PITPNM2: variants seen among roughly 807,000 people sequenced by gnomAD.
The protein encoded by PITPNM2 is membrane-associated phosphatidylinositol transfer protein 2.
PITPNM2 carries 35 observed loss-of-function variants against 132.2 expected under a neutral mutation model. The ratio of observed to expected loss-of-function variants is 0.26; its 90% CI spans 0.20 to 0.35. The LOEUF (loss-of-function observed/expected upper bound fraction) is 0.35. Ranked by LOEUF, PITPNM2 falls within the 10% of genes least tolerant of loss-of-function variation. The pLI, the probability that PITPNM2 is intolerant of heterozygous loss-of-function variation, is 1.00. For missense variants in PITPNM2, 1,332 were observed against 1,912.0 expected (o/e 0.70, Z 5.66); for synonymous variants, 738 against 799.2 (o/e 0.92, Z 1.29).
rs1309699712 is a variant in PITPNM2, at chr12:123,029,821, ATGTGTC to A, written c.78+4686_78+4691del. ...ACATATGTTGTGTGTGGACACACATATGTGTCTGTGTGTGTGTGTGTGTGTGTGTGT... is the reference window on the plus strand; with the variant it reads ...ACATATGTTGTGTGTGGACACACATATGTGTGTGTGTGTGTGTGTGTGTGT... On this transcript the variant is annotated intron_variant, in intron 3 of 25. Transcript: ENST00000320201. Among the ~76,000 whole-genome samples the A allele has an allele frequency of 2.2e-3, 271 of 124,478 alleles. 1 individual carries two copies. The highest frequency in any genetic ancestry group is 0.01 in the African/African-American group (233 of 22,730). The allele number at this position is 124,478 out of a possible 152,430, so 81.7% of individuals were successfully genotyped here.
chr12:123,131,386 G>A (rs932739036), intron 1 of PITPNM2, among the ~76,000 whole-genome samples: 6 of 152,184 alleles, frequency 3.9e-5, no homozygotes, highest in Non-Finnish European at 7.4e-5. Flanking sequence ...GAGGGAGGCC[G>A]GGAACAGATA....
In PITPNM2 at chr12:123,000,395, C is replaced by T. The variant is rs1466658320; in HGVS notation, c.1224+383G>A. 7 of 702,560 alleles carry T rather than the reference C, an allele frequency of 1.0e-5. No homozygotes were observed. The highest frequency in any genetic ancestry group is 3.5e-5 in the African/African-American group (2 of 57,270). The allele number at this position is 702,560 out of a possible 1,614,324, so 43.5% of individuals were successfully genotyped here. A position where few individuals can be genotyped will look rare whatever the true frequency, so the allele number is the denominator to read the frequency against. ...CACGGCCACATCACTTCTGCCTAGA[C>T]GACTGTCGCTTCCTCCCTTTTCGTC... On this transcript the variant is annotated intron_variant, in intron 10 of 25. Transcript: ENST00000320201. This position sits in a 1 kb window ranked among gnomAD's most constrained non-coding sequence, Gnocchi z 5.4.
rs768533208 is a variant in PITPNM2 at position 123,010,043 on chromosome 12, G to C, written c.450C>G (p.His150Gln). The C allele has an allele frequency of 6.2e-7, 1 of 1,614,170 alleles. No individual in the cohort carries two copies. The change falls in exon 6 of 26, where the codon CAC becomes CAG. Residue 150 changes from histidine to glutamine, a missense_variant. By Grantham distance (24) the His-to-Gln change is conservative. Transcript: ENST00000320201. Reference protein sequence around the residue: ...FIDIVKDPVPHNEYKTEEDPK... With the variant: ...FIDIVKDPVPQNEYKTEEDPK... ...GGTCCTCTTCTGTCTTATACTCGTT[G>C]TGGGGCACAGGGTCTTTGACAATGT...
intron 1 of PITPNM2, among the ~76,000 whole-genome samples, chr12:123,142,636 T>C (rs577236036): frequency 1.3e-5 from 2 of 152,278 alleles, no homozygotes; most frequent in East Asian, 1.9e-4. Context: ...TGCACAACAC[T>C]GATGAACTAA....
At chr12:123,069,642 G>A (rs953671862) in intron 2 of PITPNM2, among the ~76,000 whole-genome samples, 3 of 152,078 alleles carry the variant, frequency 2.0e-5, no homozygotes, top group East Asian at 1.9e-4. Context: ...TCAGCACCCC[G>A]GGCACCTTGC....
At position 122,996,579 on chromosome 12, in the gene PITPNM2, T is replaced by TTGGGAGAGAGGGGCCAGAGG. The variant is rs751475670; in HGVS notation, c.1663-22_1663-3dup. ...GACGCAGTCCCCAATCAGGCAGACCTTGGGAGAGAGGGGCCAGAGGCCTGA... is the reference window on the plus strand; with the variant it reads ...GACGCAGTCCCCAATCAGGCAGACCTTGGGAGAGAGGGGCCAGAGGTGGGAGAGAGGGGCCAGAGGCCTGA... On this transcript the variant is annotated splice_region_variant and splice_polypyrimidine_tract_variant and intron_variant, in intron 12 of 25. Transcript: ENST00000320201. The TTGGGAGAGAGGGGCCAGAGG allele has an allele frequency of 1.2e-6, 2 of 1,613,020 alleles. No individual in the cohort carries two copies. Among genetic ancestry groups the TTGGGAGAGAGGGGCCAGAGG allele is most frequent in the Admixed American group, 3.3e-5 (2 of 60,012 alleles).
intron 3 of PITPNM2, among the ~76,000 whole-genome samples, chr12:123,018,940 A>G (rs1235798158): frequency 6.6e-6 from 1 of 151,426 alleles, no homozygotes; most frequent in Non-Finnish European, 1.5e-5. Context: ...TGTGCCACCA[A>G]GCTTGGCTAA....
At chr12:123,027,121 C>A (rs992320740) in intron 3 of PITPNM2, among the ~76,000 whole-genome samples, 6 of 152,064 alleles carry the variant, frequency 3.9e-5, no homozygotes, top group Non-Finnish European at 8.8e-5. Context: ...GATGGCCCCC[C>A]ACCTGTCCCT....
rs201638386 is a variant in PITPNM2 at position 122,994,941 on chromosome 12, C to T, written c.2093G>A (p.Arg698His). 5.0e-6 allele frequency: 8 copies of T among 1,610,882 alleles called. No individual in the cohort carries two copies. The highest frequency in any genetic ancestry group is 2.2e-5 in the East Asian group (1 of 44,860). The change falls in exon 15 of 26, where the codon CGC (arginine) becomes CAC (histidine). Residue 698 changes from arginine (R) to histidine (H), a missense_variant. Arg to His is a conservative substitution (Grantham distance 29). Around this residue, in one of 6 missense-constraint regions of PITPNM2, gnomAD observed 710 missense variants for 911.5 expected, o/e 0.78. Coordinates refer to ENST00000320201, the MANE Select transcript of PITPNM2 (RefSeq NM_020845.3). This position sits in a 1 kb window ranked among gnomAD's most constrained non-coding sequence, Gnocchi z 5.4. ...CAGCATGGTGGAGCTGCTGGAATGG[C>T]GTGAGCAGGGCTCAGTCCTCAGCAC... Reference protein sequence around the residue: ...ASVLRTEPCSRHSSSSTMLDG... With the variant: ...ASVLRTEPCSHHSSSSTMLDG...
chr12:123,060,965 C>T (rs1423072832), intron 2 of PITPNM2, among the ~76,000 whole-genome samples: 1 of 152,186 alleles, frequency 6.6e-6, no homozygotes, highest in Non-Finnish European at 1.5e-5. Context: ...CGCATCTACC[C>T]ATGCATCCCT....
At chr12:123,116,374 G>T (rs1459790382) in intron 1 of PITPNM2, among the ~76,000 whole-genome samples, 2 of 152,158 alleles carry the variant, frequency 1.3e-5, no homozygotes, top group Non-Finnish European at 2.9e-5. Flanking sequence ...TTCTGGCCAG[G>T]AGTGGTGGTT....
At chr12:122,990,152 C>T (rs571832832) in intron 17 of PITPNM2, among the ~76,000 whole-genome samples, 1 of 152,218 alleles carries the variant, frequency 6.6e-6, no homozygotes, top group Non-Finnish European at 1.5e-5. Context: ...ACCACAGCTG[C>T]GAGAATCCCT....
intron 2 of PITPNM2, among the ~76,000 whole-genome samples, chr12:123,074,183 A>G (rs1355176492): frequency 2.0e-5 from 3 of 152,182 alleles, no homozygotes; most frequent in Admixed American, 1.3e-4. Context: ...TTATCTGTAA[A>G]ATGGGAGCAA....
intron 2 of PITPNM2, among the ~76,000 whole-genome samples, chr12:123,041,933 T>C (rs1196615143): frequency 6.6e-6 from 1 of 151,546 alleles, no homozygotes; most frequent in Admixed American, 6.6e-5. Context: ...TTCACGACCC[T>C]AGAAAGAACC....
intron 2 of PITPNM2, among the ~76,000 whole-genome samples, chr12:123,109,353 G>A (rs1304507702): frequency 6.6e-6 from 1 of 152,202 alleles, no homozygotes; most frequent in African/African-American, 2.4e-5. Flanking sequence ...AAAGAAATAC[G>A]AAATGGAAAG....
chr12:123,021,029 CAAAA>C (rs910751492), intron 3 of PITPNM2, among the ~76,000 whole-genome samples: 1 of 25,310 alleles, frequency 4.0e-5, no homozygotes, highest in Non-Finnish European at 9.7e-5. Flanking sequence ...AATTCCATCT[CAAAA>C]AAAAAAAAAA....
At chr12:123,122,971 C>T (rs1382971110) in intron 1 of PITPNM2, among the ~76,000 whole-genome samples, 1 of 152,182 alleles carries the variant, frequency 6.6e-6, no homozygotes, top group Admixed American at 6.5e-5. Context: ...AGCAATTTAG[C>T]AATTGCTAAC....
In PITPNM2 at chr12:123,095,482, C is replaced by T. The variant is rs1184557913; in HGVS notation, c.-96+14903G>A. On this transcript the variant is annotated intron_variant, in intron 2 of 25. Coordinates refer to ENST00000320201, the MANE Select transcript of PITPNM2 (RefSeq NM_020845.3). The surrounding 1 kb of genome is among the most constrained non-coding windows in gnomAD (Gnocchi z 5.0). ...TCAGGTACTCAACAAAGCAAGATGT[C>T]GTGATGTTGCCACCAGCCTGCCCCC... 6.6e-6 allele frequency among the ~76,000 whole-genome samples: 1 copy of T among 152,172 alleles called. No homozygotes were observed. Among genetic ancestry groups the T allele is most frequent in the East Asian group, 1.9e-4 (1 of 5,194 alleles).
chr12:123,138,762 A>G (rs2043436221), intron 1 of PITPNM2, among the ~76,000 whole-genome samples: 1 of 152,250 alleles, frequency 6.6e-6, no homozygotes, highest in Non-Finnish European at 1.5e-5. Context: ...CGATAGAGCC[A>G]GTGAGTGCAC....
Sources: gnomAD v4.1 joint callset for allele counts (sites outside exome capture counted in the v4.1 genomes callset) on GRCh38, gnomAD v4.1.1 for gene constraint, gnomAD v4.1.1 regional missense constraint, Gnocchi (gnomAD v3.1) non-coding constraint, MANE v1.5 for transcripts, NCBI Gene and HGNC (gene_info 2026-07-23, HGNC 2026-07-21) for gene names.